BAHCC1: variants seen among roughly 807,000 people sequenced by gnomAD.
BAHCC1 encodes BAH and coiled-coil domain-containing protein 1.
BAHCC1 carries 43 observed loss-of-function variants against 88.2 expected under a neutral mutation model. That is an observed-to-expected ratio of 0.49 (90% CI 0.38 to 0.63). BAHCC1 has a LOEUF of 0.63. Among genes scored for constraint, BAHCC1 ranks in the 20% least tolerant of loss-of-function variants. The probability of loss-of-function intolerance (pLI) is 0.00; values close to 1 mark genes in which losing one functional copy is unlikely to be tolerated. For missense variants in BAHCC1, 3,023 were observed against 1,654.8 expected, an observed-to-expected ratio of 1.83 and a Z score of -14.34; for synonymous variants, 1,510 against 745.5, an observed-to-expected ratio of 2.03 and a Z score of -16.71.
intron 21 of BAHCC1, 41 bp downstream of exon 21, chr17:81,459,209 G>A (rs1473404267): frequency 2.6e-6 from 2 of 772,644 alleles, no homozygotes; most frequent in Non-Finnish European, 4.8e-6. Flanking sequence ...GGGCCTGGAG[G>A]GCAACCGAGA....
At chr17:81,436,706 A>C (rs1010529987) in intron 3 of BAHCC1, among the ~76,000 whole-genome samples, 1 of 151,086 alleles carries the variant, frequency 6.6e-6, no homozygotes, top group Non-Finnish European at 1.5e-5. Flanking sequence ...AGACCAGGCC[A>C]GTCGGCCAGG....
chr17:81,422,120 T>C (rs1301195783), intron 2 of BAHCC1, among the ~76,000 whole-genome samples: 1 of 152,012 alleles, frequency 6.6e-6, no homozygotes, highest in Non-Finnish European at 1.5e-5. Flanking sequence ...CAAGCAATTC[T>C]CCCGCCTCAG....
At chr17:81,412,652 G>A (rs1048342768) in intron 2 of BAHCC1, among the ~76,000 whole-genome samples, 6 of 152,236 alleles carry the variant, frequency 3.9e-5, no homozygotes, top group African/African-American at 1.4e-4. Context: ...GGCCCTTCCC[G>A]TACCTTCCCG....
chr17:81,463,648 A>T lies in BAHCC1; in HGVS notation c.7658A>T (p.Asp2553Val). ...CAGTCCTGCCACGAGGATGAGAACG[A>T]CGTGCAGACCATCTCCCACAAGTGC... ...LYQSCHEDEN[D>V]VQTISHKCQV... The change falls in exon 28 of 28, where the codon GAC (aspartate) becomes GTC (valine). Residue 2553 changes from aspartate to valine, a missense_variant. By Grantham distance (152) the Asp-to-Val change is radical. Coordinates refer to ENST00000675386, the MANE Select transcript of BAHCC1 (RefSeq NM_001377448.1). 1.3e-6 allele frequency: 1 copy of T among 779,714 alleles called. No homozygotes were observed. Among genetic ancestry groups the T allele is most frequent in the Non-Finnish European group, 2.4e-6 (1 of 417,908 alleles). 48.3% of individuals were successfully genotyped at this position (779,714 alleles called of 1,614,324 possible).
Position 81,464,048 on chromosome 17 carries a change from C to T in BAHCC1, c.*231C>T. On this transcript the variant is annotated 3_prime_UTR_variant, in exon 28 of 28. Coordinates refer to ENST00000675386, the MANE Select transcript of BAHCC1 (RefSeq NM_001377448.1). ...TCCTCTGCGGAGGGTCGGGCTGTGG[C>T]CCTCATGGGTCCCCGGCCCGCCCCA... 1 of 582,636 alleles carries T rather than the reference C, an allele frequency of 1.7e-6. No individual in the cohort carries two copies. 36.1% of individuals were successfully genotyped at this position (582,636 alleles called of 1,614,324 possible).
intron 2 of BAHCC1, among the ~76,000 whole-genome samples, chr17:81,425,029 T>G: frequency 7.6e-6 from 1 of 131,932 alleles, no homozygotes. Context: ...ATGATGTGGT[T>G]GGGGGTGATA....
At position 81,453,632 on chromosome 17, in the gene BAHCC1, T is replaced by TG. The variant is rs538190391; in HGVS notation, c.4445+790dup. ...GCCCCTGCCCTGCCCAGGTGTCTCC[T>TG]GGGGGGGGGTCTCCTGGGGTCTCCC... is the stretch of plus-strand genomic sequence containing the variant. On this transcript the variant is annotated intron_variant, in intron 14 of 27. Transcript: ENST00000675386. Among the ~76,000 whole-genome samples, 1,158 of 149,378 alleles carry TG rather than the reference T, an allele frequency of 7.8e-3. 5 individuals are homozygous for TG. Among genetic ancestry groups the TG allele is most frequent in the African/African-American group, 0.022 (903 of 40,680 alleles).
rs528814120 is a variant in BAHCC1, at chr17:81,445,550, G to A, written c.3032G>A (p.Arg1011Gln). The A allele has an allele frequency of 1.4e-4, 102 of 722,364 alleles. No homozygotes were observed. The highest frequency in any genetic ancestry group is 1.3e-3 in the South Asian group (90 of 67,902). The allele number at this position is 722,364 out of a possible 1,614,324, so 44.7% of individuals were successfully genotyped here. The change falls in exon 10 of 28, where the codon CGG becomes CAG. Residue 1011 changes from arginine (R) to glutamine (Q), a missense_variant. Transcript: ENST00000675386. ...PPASSPTPPP[R>Q]PSAPCTLNVC... ...GCCAGCTCCCCCACCCCACCACCTC[G>A]GCCCAGCGCCCCGTGCACTTTAAAT...
rs569848659 is a variant in BAHCC1 at position 81,458,713 on chromosome 17, G to A, written c.5436G>A (p.Lys1812=). The A allele has an allele frequency of 4.4e-5, 32 of 731,708 alleles. No individual in the cohort carries two copies. In the African/African-American group the frequency reaches 4.8e-4, roughly 11 times the overall value. 45.3% of individuals were successfully genotyped at this position (731,708 alleles called of 1,614,324 possible). ...KGRKLSKVKH[K]AGKQGKGRAV... ...GGAAGCTGAGCAAGGTGAAGCACAA[G>A]GCCGGCAAGCAGGTAGCAGCCCCCC... Residue 1812 remains lysine, a synonymous_variant, in exon 19 of 28, where the codon AAG becomes AAA. Coordinates refer to ENST00000675386, the MANE Select transcript of BAHCC1 (RefSeq NM_001377448.1).
At chr17:81,405,178 G>C (rs1188469833) in intron 2 of BAHCC1, among the ~76,000 whole-genome samples, 2 of 152,050 alleles carry the variant, frequency 1.3e-5, no homozygotes, top group East Asian at 3.9e-4. Context: ...AGCCATTGTC[G>C]TGCCTCAGTC....
intron 2 of BAHCC1, among the ~76,000 whole-genome samples, chr17:81,403,409 G>A (rs1357053355): frequency 6.6e-6 from 1 of 151,892 alleles, no homozygotes; most frequent in Non-Finnish European, 1.5e-5. Flanking sequence ...GGAGAAAGGC[G>A]AAGGCTCCTT....
intron 2 of BAHCC1, among the ~76,000 whole-genome samples, chr17:81,423,811 T>G (rs7502390): frequency 0.31 from 46,894 of 152,106 alleles, 9,176 homozygotes; most frequent in African/African-American, 0.57. Flanking sequence ...TGGGCAGAGG[T>G]GGGCACAGCT....
chr17:81,406,580 G>A (rs1247894103), intron 2 of BAHCC1, among the ~76,000 whole-genome samples: 1 of 152,232 alleles, frequency 6.6e-6, no homozygotes, highest in Non-Finnish European at 1.5e-5. Context: ...ACCGCACTCC[G>A]CTCGGGCTCC....
chr17:81,435,742 A>G lies in BAHCC1; in HGVS notation c.359-2628A>G, dbSNP rs1257921390. ...AGCCCTCCCCAGGACCACCACCCCC[A>G]CTCCTCAGTGGCAACCCCTTCCAGG... On this transcript the variant is annotated intron_variant, in intron 3 of 27. Coordinates refer to ENST00000675386, the MANE Select transcript of BAHCC1 (RefSeq NM_001377448.1). The surrounding 1 kb of genome is among the most constrained non-coding windows in gnomAD (Gnocchi z 4.4). Among the ~76,000 whole-genome samples, 1 of 138,382 alleles carries G rather than the reference A, an allele frequency of 7.2e-6. No individual in the cohort carries two copies. The allele number at this position is 138,382 out of a possible 152,430, so 90.8% of individuals were successfully genotyped here.
rs1555654072 is a variant in BAHCC1 at position 81,445,464 on chromosome 17, A to C, written c.2946A>C (p.Ser982=). ...CCCCCACGGCCCCGGGCGCCCCCTC[A>C]CCCGCTGCAGGCCCCACCAAGCTGC... ...ALTPTAPGAP[S]PAAGPTKLPP... Residue 982 remains serine (S), a synonymous_variant, in exon 10 of 28, where the codon TCA becomes TCC. Coordinates refer to ENST00000675386, the MANE Select transcript of BAHCC1 (RefSeq NM_001377448.1). 2 of 751,698 alleles carry C rather than the reference A, an allele frequency of 2.7e-6. No homozygotes were observed. Among genetic ancestry groups the C allele is most frequent in the African/African-American group, 1.8e-5 (1 of 56,540 alleles). The allele number at this position is 751,698 out of a possible 1,614,324, so 46.6% of individuals were successfully genotyped here. A position where few individuals can be genotyped will look rare whatever the true frequency, so the allele number is the denominator to read the frequency against.
rs1555656210 is a variant in BAHCC1, at chr17:81,452,820, C to T, written c.4414C>T (p.Pro1472Ser). 4.0e-6 allele frequency: 3 copies of T among 744,500 alleles called. No individual in the cohort carries two copies. The highest frequency in any genetic ancestry group is 1.9e-5 in the Admixed American group (1 of 51,844). 46.1% of individuals were successfully genotyped at this position (744,500 alleles called of 1,614,324 possible). The change falls in exon 14 of 28, where the codon CCG becomes TCG. Residue 1472 changes from proline to serine, a missense_variant. Coordinates refer to ENST00000675386, the MANE Select transcript of BAHCC1 (RefSeq NM_001377448.1). ...SSLPAPRPTG[P>S]LPRSDGKKVK... ...GCTGCCTGCCCCACGTCCCACGGGG[C>T]CGCTCCCCAGGAGCGATGGCAAGAA... is the stretch of plus-strand genomic sequence containing the variant.
chr17:81,418,735 G>T (rs2064067227), intron 2 of BAHCC1, among the ~76,000 whole-genome samples: 1 of 152,004 alleles, frequency 6.6e-6, no homozygotes, highest in Non-Finnish European at 1.5e-5. Flanking sequence ...GTCTGCCAAG[G>T]TGCGCACACC....
At chr17:81,407,796 A>T (rs1322714793) in intron 2 of BAHCC1, among the ~76,000 whole-genome samples, 1 of 152,232 alleles carries the variant, frequency 6.6e-6, no homozygotes, top group African/African-American at 2.4e-5. Flanking sequence ...AGATGTGGCA[A>T]CATACACCTG....
In BAHCC1 at chr17:81,411,360, C is replaced by T. The variant is rs2063948030; in HGVS notation, c.178+11443C>T. Reference sequence around the variant, plus strand: ...AGTGAGGCTGGAGAGACGGGAGGCACCGGTGCCCTGTGGGTGGGAGCACTG... The same window carrying T: ...AGTGAGGCTGGAGAGACGGGAGGCATCGGTGCCCTGTGGGTGGGAGCACTG... On this transcript the variant is annotated intron_variant, in intron 2 of 27. Coordinates refer to ENST00000675386, the MANE Select transcript of BAHCC1 (RefSeq NM_001377448.1). The surrounding 1 kb of genome is among the most constrained non-coding windows in gnomAD (Gnocchi z 6.2). 6.8e-6 allele frequency among the ~76,000 whole-genome samples: 1 copy of T among 146,128 alleles called. No individual in the cohort carries two copies. The highest frequency in any genetic ancestry group is 6.7e-5 in the Admixed American group (1 of 14,820).
Sources: allele counts gnomAD v4.1 joint callset (sites outside exome capture counted in the v4.1 genomes callset), GRCh38; gene constraint gnomAD v4.1.1; non-coding constraint Gnocchi (gnomAD v3.1); transcripts MANE v1.5; gene names NCBI Gene and HGNC (gene_info 2026-07-23, HGNC 2026-07-21).